GRIA4: variants seen among roughly 807,000 people sequenced by gnomAD.
GRIA4 encodes glutamate ionotropic receptor AMPA type subunit 4, also known as glutamate receptor 4.
Under a neutral mutation model 104.0 loss-of-function variants are expected in GRIA4, and 34 were observed. The ratio of observed to expected loss-of-function variants is 0.33; its 90% CI spans 0.25 to 0.44. The LOEUF is 0.44. GRIA4 is among the 20% of genes least tolerant of loss of function. The pLI is 1.00. For synonymous variants in GRIA4, 386 were observed against 381.9 expected (o/e 1.01, Z -0.13); for missense variants, 750 against 1,096.5 (o/e 0.68, Z 4.46).
chr11:105,752,684 A>C (rs967080040), intron 3 of GRIA4, among the ~76,000 whole-genome samples: 1 of 152,160 alleles, frequency 6.6e-6, no homozygotes, highest in East Asian at 1.9e-4. Context: ...CCACATTATT[A>C]TGGAAGGCCA....
At chr11:105,619,872 C>A (rs1220833462) in intron 3 of GRIA4, among the ~76,000 whole-genome samples, 1 of 151,804 alleles carries the variant, frequency 6.6e-6, no homozygotes, top group African/African-American at 2.4e-5. Context: ...TAGATTTTAG[C>A]CTTGAAACTA....
chr11:105,933,391 G>A (rs1183694304), intron 13 of GRIA4, among the ~76,000 whole-genome samples: 1 of 151,930 alleles, frequency 6.6e-6, no homozygotes, highest in Admixed American at 6.6e-5. Flanking sequence ...GATTTTAAAT[G>A]TTCAAGTCTC....
chr11:105,629,994 T>G (rs1349422221), intron 3 of GRIA4, among the ~76,000 whole-genome samples: 1 of 152,190 alleles, frequency 6.6e-6, no homozygotes, highest in Non-Finnish European at 1.5e-5. Context: ...AGCAACCATA[T>G]CTTATTTTCA....
intron 3 of GRIA4, among the ~76,000 whole-genome samples, chr11:105,738,616 C>T (rs1158214258): frequency 6.6e-6 from 1 of 152,100 alleles, no homozygotes; most frequent in Non-Finnish European, 1.5e-5. Context: ...TTTTTAATTG[C>T]TGTTACCCAC....
intron 3 of GRIA4, among the ~76,000 whole-genome samples, chr11:105,720,053 T>C (rs1043052524): frequency 6.6e-6 from 1 of 151,930 alleles, no homozygotes; most frequent in Non-Finnish European, 1.5e-5. Flanking sequence ...AAAGTACCTC[T>C]TCTGCTTGTC....
chr11:105,784,108 G>T (rs1024891379), intron 4 of GRIA4, among the ~76,000 whole-genome samples: 33 of 152,116 alleles, frequency 2.2e-4, no homozygotes, highest in African/African-American at 8.0e-4. Context: ...TCCTGACATG[G>T]TTGTTTTTGG....
intron 3 of GRIA4, among the ~76,000 whole-genome samples, chr11:105,731,461 A>G (rs1317956166): frequency 1.3e-5 from 2 of 152,206 alleles, no homozygotes; most frequent in Non-Finnish European, 2.9e-5. Context: ...TGTGGAAGGC[A>G]GTGTGGCGAT....
At chr11:105,964,597 G>C (rs1482396277) in intron 14 of GRIA4, among the ~76,000 whole-genome samples, 1 of 151,972 alleles carries the variant, frequency 6.6e-6, no homozygotes, top group Non-Finnish European at 1.5e-5. Flanking sequence ...ACCAAACTCA[G>C]TGTTTATAAA....
chr11:105,641,671 A>C (rs1951363679), intron 3 of GRIA4, among the ~76,000 whole-genome samples: 1 of 152,108 alleles, frequency 6.6e-6, no homozygotes, highest in African/African-American at 2.4e-5. Context: ...TACACTTCCC[A>C]GTCATATAAA....
intron 4 of GRIA4, among the ~76,000 whole-genome samples, chr11:105,786,681 A>AT (rs1941983218): frequency 1.3e-5 from 2 of 152,078 alleles, no homozygotes; most frequent in South Asian, 2.1e-4. Context: ...TATGTGTGGT[A>AT]TTTTTGTTTT....
chr11:105,851,265 T>C (rs1944797908), intron 4 of GRIA4, among the ~76,000 whole-genome samples: 2 of 152,132 alleles, frequency 1.3e-5, no homozygotes, highest in South Asian at 4.1e-4. Flanking sequence ...GAGCTTATTC[T>C]TTCCTTTGTG....
At chr11:105,722,565 T>C (rs1937897079) in intron 3 of GRIA4, among the ~76,000 whole-genome samples, 1 of 152,084 alleles carries the variant, frequency 6.6e-6, no homozygotes, top group Admixed American at 6.6e-5. Context: ...CCTTAAAGGT[T>C]GTACCAATTC....
intron 10 of GRIA4, chr11:105,912,056 G>C (rs1947265646): frequency 8.9e-7 from 1 of 1,129,834 alleles, no homozygotes; most frequent in Middle Eastern, 2.4e-4. Flanking sequence ...AAAATTTTAA[G>C]TTCTGTGACT....
At chr11:105,688,111 T>C (rs1952943879) in intron 3 of GRIA4, among the ~76,000 whole-genome samples, 1 of 66,924 alleles carries the variant, frequency 1.5e-5, no homozygotes, top group Non-Finnish European at 3.5e-5. Flanking sequence ...CTCATATCTA[T>C]ATCTATATCT....
At chr11:105,906,195 T>A (rs1947036083) in intron 9 of GRIA4, among the ~76,000 whole-genome samples, 4 of 152,234 alleles carry the variant, frequency 2.6e-5, no homozygotes, top group Non-Finnish European at 5.9e-5. Context: ...CATGATTCCA[T>A]CCTCATGACA....
intron 3 of GRIA4, among the ~76,000 whole-genome samples, chr11:105,633,927 AAC>A (rs1489642049): frequency 6.6e-6 from 1 of 152,178 alleles, no homozygotes; most frequent in Non-Finnish European, 1.5e-5. Flanking sequence ...TTATGTTAAA[AAC>A]AGTTTCTTCC....
In GRIA4 at chr11:105,903,797, C is replaced by A; in HGVS notation, c.886-17C>A. Reference sequence around the variant, plus strand: ...AGATTTTAACATTTACCATTATGTTCATTTTCATTTGGTTAGTACACCTCT... The same window carrying A: ...AGATTTTAACATTTACCATTATGTTAATTTTCATTTGGTTAGTACACCTCT... On this transcript the variant is annotated splice_polypyrimidine_tract_variant and intron_variant, in intron 7 of 16. Transcript: ENST00000282499. 6.4e-7 allele frequency: 1 copy of A among 1,562,874 alleles called. No homozygotes were observed. The highest frequency in any genetic ancestry group is 8.8e-7 in the Non-Finnish European group (1 of 1,135,262).
intron 4 of GRIA4, among the ~76,000 whole-genome samples, chr11:105,803,255 AC>A (rs1048541290): frequency 6.6e-6 from 1 of 151,960 alleles, no homozygotes; most frequent in African/African-American, 2.4e-5. Context: ...GTTAATAGTT[AC>A]CAAATTCTTG....
intron 3 of GRIA4, among the ~76,000 whole-genome samples, chr11:105,721,174 T>A (rs1376161520): frequency 6.6e-6 from 1 of 152,190 alleles, no homozygotes; most frequent in Non-Finnish European, 1.5e-5. Flanking sequence ...TTTTGCTAAT[T>A]AAAGAATCTT....
Sources: gnomAD v4.1 joint callset for allele counts (sites outside exome capture counted in the v4.1 genomes callset) on GRCh38, gnomAD v4.1.1 for gene constraint, MANE v1.5 for transcripts, NCBI Gene and HGNC (gene_info 2026-07-23, HGNC 2026-07-21) for gene names.